TMEM41A: variants seen among roughly 807,000 people sequenced by gnomAD.
TMEM41A encodes transmembrane protein 41A.
A neutral mutation model predicts 25.7 loss-of-function variants in TMEM41A; 20 were observed. The observed-to-expected ratio is 0.78, with a 90% CI of 0.55 to 1.13. The LOEUF is 1.13. Among genes scored for constraint, TMEM41A ranks in the 50% most tolerant of loss-of-function variants. TMEM41A has a pLI of 0.00. For missense variants in TMEM41A, 299 were observed against 314.3 expected, an observed-to-expected ratio of 0.95 and a Z score of 0.37; for synonymous variants, 133 against 139.6, an observed-to-expected ratio of 0.95 and a Z score of 0.33.
chr3:185,491,757 C>T lies in TMEM41A; in HGVS notation c.575G>A (p.Gly192Asp). Residue 192 changes from glycine (G) to aspartate (D), a missense_variant and splice_region_variant, in exon 5 of 5, where the codon GGT (glycine) becomes GAT (aspartate). Gly to Asp is a moderately conservative substitution (Grantham distance 94). Transcript: ENST00000421852. ...ACAGATGAAATTATATGGGATCAAA[C>T]CTGGAAGAAGAAAAGGACAAAGCAC... is the stretch of plus-strand genomic sequence containing the variant. ...IVQFFFSVLI[G>D]LIPYNFICVQ... is the part of the protein sequence containing the mutation. 2 of 1,598,514 alleles carry T rather than the reference C, an allele frequency of 1.3e-6. No homozygotes were observed. The highest frequency in any genetic ancestry group is 8.5e-7 in the Non-Finnish European group (1 of 1,171,996).
At chr3:185,497,127 G>C in intron 1 of TMEM41A, 146 bp from the exon 2 acceptor site, 1 of 1,093,804 alleles carries the variant, frequency 9.1e-7, no homozygotes, top group South Asian at 1.6e-5. Flanking sequence ...CCCAATGACA[G>C]ATGACCTGAT....
intron 2 of TMEM41A, 190 bp from the exon 3 acceptor site, chr3:185,495,505 A>G (rs1719077953): frequency 1.6e-6 from 1 of 614,430 alleles, no homozygotes; most frequent in East Asian, 2.8e-5. Flanking sequence ...CAGTGACATG[A>G]TCATAGCTCA....
chr3:185,491,276 G>A lies in TMEM41A; in HGVS notation c.*261C>T, dbSNP rs965995770. 3.1e-6 allele frequency: 1 copy of A among 325,662 alleles called. No homozygotes were observed. Among genetic ancestry groups the A allele is most frequent in the Non-Finnish European group, 5.8e-6 (1 of 172,606 alleles). The allele number at this position is 325,662 out of a possible 1,614,324, so 20.2% of individuals were successfully genotyped here. A position where few individuals can be genotyped will look rare whatever the true frequency, so the allele number is the denominator to read the frequency against. ...CTCCCAAAGTGCTGGGATTACAGGCGTGAGCCACCGCGCCCGGCCACAAAC... is the reference window on the plus strand; with the variant it reads ...CTCCCAAAGTGCTGGGATTACAGGCATGAGCCACCGCGCCCGGCCACAAAC... On this transcript the variant is annotated 3_prime_UTR_variant, in exon 5 of 5. Transcript: ENST00000421852.
chr3:185,492,505 G>C (rs1218175962), intron 4 of TMEM41A: 3 of 152,116 alleles, frequency 2.0e-5, no homozygotes, highest in African/African-American at 7.2e-5. Flanking sequence ...TTTTTTAAAA[G>C]AAGTACTATT....
At chr3:185,498,128 G>A (rs1719162199) in intron 1 of TMEM41A, among the ~76,000 whole-genome samples, 2 of 135,914 alleles carry the variant, frequency 1.5e-5, no homozygotes, top group Non-Finnish European at 3.1e-5. Flanking sequence ...AGCCGGCCGT[G>A]GTGGCGCGCG....
At position 185,491,668 on chromosome 3, in the gene TMEM41A, C is replaced by T. The variant is rs1420768948; in HGVS notation, c.664G>A (p.Val222Ile). ...ATGGCAATGGCCAACAGCTTAAAGA[C>T]AGTGTCCCAGGAGAAAAGAGCATCC... ...SLDALFSWDTVFKLLAIAMVA... is the reference protein window; with the variant it reads ...SLDALFSWDTIFKLLAIAMVA... The change falls in exon 5 of 5, where the codon GTC becomes ATC. Residue 222 changes from valine to isoleucine, a missense_variant. Coordinates refer to ENST00000421852, the MANE Select transcript of TMEM41A (RefSeq NM_080652.4). 1 of 1,614,088 alleles carries T rather than the reference C, an allele frequency of 6.2e-7. No homozygotes were observed. Among genetic ancestry groups the T allele is most frequent in the East Asian group, 2.2e-5 (1 of 44,884 alleles).
In TMEM41A at chr3:185,494,498, C is replaced by T. The variant is rs1719042437; in HGVS notation, c.574+125G>A. ...GGAATCATTTCTTTAGATCATAAGG[C>T]TTGAAGTCACACTTTGTGAGCCTGT... On this transcript the variant is annotated intron_variant, in intron 4 of 4. Transcript: ENST00000421852. The T allele has an allele frequency of 2.7e-6, 3 of 1,117,730 alleles. No individual in the cohort carries two copies. The Admixed American group carries it at 8.3e-5, about 31-fold the overall frequency. The allele number at this position is 1,117,730 out of a possible 1,614,324, so 69.2% of individuals were successfully genotyped here. A position where few individuals can be genotyped will look rare whatever the true frequency, so the allele number is the denominator to read the frequency against.
intron 4 of TMEM41A, chr3:185,492,910 T>C (rs1195762650): frequency 1.3e-5 from 2 of 152,168 alleles, no homozygotes; most frequent in East Asian, 3.8e-4. Context: ...AAACCCCCAC[T>C]AGCTGAGGGC....
At chr3:185,496,790 A>G (rs778064018) in intron 2 of TMEM41A, 38 bp downstream of exon 2, 36 of 1,583,750 alleles carry the variant, frequency 2.3e-5, no homozygotes, top group Non-Finnish European at 2.8e-5. Context: ...AATTTTACAG[A>G]TAAGGAAACA....
rs1460502268 is a variant in TMEM41A, at chr3:185,490,856, CT to C, written c.*680del. ...ACATCTGTCCCAGCAGCCTGTCACT[CT>C]GCAAAAGCAGTACTCTGGACAAGGA... On this transcript the variant is annotated 3_prime_UTR_variant, in exon 5 of 5. Transcript: ENST00000421852. The C allele has an allele frequency of 2.0e-5, 3 of 152,246 alleles. No individual in the cohort carries two copies. 9.4% of individuals were successfully genotyped at this position (152,246 alleles called of 1,614,324 possible). A position where few individuals can be genotyped will look rare whatever the true frequency, so the allele number is the denominator to read the frequency against.
chr3:185,498,545 G>C, intron 1 of TMEM41A: 1 of 299,120 alleles, frequency 3.3e-6, no homozygotes, highest in East Asian at 7.0e-5. Flanking sequence ...GCTCAGCGCC[G>C]CGTCTCCCTC....
chr3:185,497,048 G>A (rs1356373100), intron 1 of TMEM41A, 67 bp from the exon 2 acceptor site: 6 of 1,515,970 alleles, frequency 4.0e-6, no homozygotes, highest in South Asian at 2.4e-5. Flanking sequence ...AAAGTCACTC[G>A]CTGTGTCTTC....
Position 185,499,032 on chromosome 3 carries a change from G to T in TMEM41A, c.-71C>A. The T allele has an allele frequency of 1.5e-6, 2 of 1,363,126 alleles. No individual in the cohort carries two copies. The highest frequency in any genetic ancestry group is 2.0e-6 in the Non-Finnish European group (2 of 992,712). The allele number at this position is 1,363,126 out of a possible 1,614,324, so 84.4% of individuals were successfully genotyped here. On this transcript the variant is annotated 5_prime_UTR_variant, in exon 1 of 5. Coordinates refer to ENST00000421852, the MANE Select transcript of TMEM41A (RefSeq NM_080652.4). ...GCACTCCGGGACGCAGCGGCGGGCG[G>T]ACTGAGCCCGCGGAGCACGTTCACT...
intron 1 of TMEM41A, among the ~76,000 whole-genome samples, chr3:185,497,491 T>G (rs1719137455): frequency 6.6e-6 from 1 of 152,210 alleles, no homozygotes; most frequent in Non-Finnish European, 1.5e-5. Flanking sequence ...TAAAGCCAAT[T>G]AGAGATTCTT....
intron 2 of TMEM41A, chr3:185,496,515 TC>T: frequency 2.6e-6 from 1 of 384,004 alleles, no homozygotes; most frequent in Non-Finnish European, 5.0e-6. Flanking sequence ...CCCACACACC[TC>T]CCCTGCCTCT....
chr3:185,491,821 C>A, intron 4 of TMEM41A, 64 bp from the exon 5 acceptor site: 1 of 1,274,220 alleles, frequency 7.8e-7, no homozygotes, highest in South Asian at 1.5e-5. Flanking sequence ...AATAATAATT[C>A]AGAATGTCAC....
intron 4 of TMEM41A, 84 bp from the exon 5 acceptor site, chr3:185,491,841 T>G (rs924360305): frequency 2.8e-6 from 3 of 1,054,320 alleles, no homozygotes. Context: ...CCAGGAACAG[T>G]GACTACGGTT....
chr3:185,494,545 C>T, intron 4 of TMEM41A, 78 bp downstream of exon 4: 1 of 1,410,700 alleles, frequency 7.1e-7, no homozygotes, highest in Non-Finnish European at 9.3e-7. Flanking sequence ...CAGGCACATG[C>T]TCACGTGGCC....
intron 1 of TMEM41A, among the ~76,000 whole-genome samples, chr3:185,497,599 C>A (rs1459601864): frequency 4.6e-5 from 7 of 152,232 alleles, no homozygotes; most frequent in Admixed American, 1.3e-4. Flanking sequence ...TTTAACTCTG[C>A]TCTTAATCTG....
Sources: gnomAD v4.1 joint callset for allele counts (sites outside exome capture counted in the v4.1 genomes callset) on GRCh38, gnomAD v4.1.1 for gene constraint, MANE v1.5 for transcripts, NCBI Gene and HGNC (gene_info 2026-07-23, HGNC 2026-07-21) for gene names.